The following NEBL variants were observed in gnomAD, a reference collection of about 807,000 sequenced individuals.
NEBL encodes the protein nebulette.
Under a neutral mutation model 140.2 loss-of-function variants are expected in NEBL, and 122 were observed. The observed-to-expected ratio is 0.87, with a 90% CI of 0.75 to 1.01. The LOEUF is 1.01. NEBL is among the 50% of genes least tolerant of loss of function. The pLI, the probability that NEBL is intolerant of heterozygous loss-of-function variation, is 0.00. For missense variants in NEBL, 1,365 were observed against 1,231.3 expected, an observed-to-expected ratio of 1.11 and a Z score of -1.62; for synonymous variants, 436 against 398.9, an observed-to-expected ratio of 1.09 and a Z score of -1.11.
intron 2 of NEBL, among the ~76,000 whole-genome samples, chr10:21,092,388 C>T (rs971555053): frequency 6.6e-6 from 1 of 152,174 alleles, no homozygotes; most frequent in East Asian, 1.9e-4. Flanking sequence ...TTAGTTTGTG[C>T]AAAACCCTGT....
intron 2 of NEBL, chr10:21,029,238 T>G: frequency 6.5e-7 from 1 of 1,527,700 alleles, no homozygotes. Context: ...CACCGGCTGC[T>G]CGGGAACCCA....
chr10:20,801,716 G>A (rs1837139307), intron 26 of NEBL, among the ~76,000 whole-genome samples: 1 of 151,890 alleles, frequency 6.6e-6, no homozygotes, highest in African/African-American at 2.4e-5. Flanking sequence ...AAAACACCAG[G>A]GCAATTGGCC....
At chr10:21,108,265 A>T (rs778348002) in intron 2 of NEBL, among the ~76,000 whole-genome samples, 1 of 152,004 alleles carries the variant, frequency 6.6e-6, no homozygotes, top group Non-Finnish European at 1.5e-5. Context: ...GGGTGTCAAC[A>T]TTAGATCTTT....
intron 2 of NEBL, among the ~76,000 whole-genome samples, chr10:21,035,934 G>A (rs1195856566): frequency 6.6e-6 from 1 of 152,078 alleles, no homozygotes; most frequent in Non-Finnish European, 1.5e-5. Context: ...AGGCTGAGGT[G>A]AGCGGATCAC....
chr10:21,065,101 T>C (rs969129104), intron 2 of NEBL, among the ~76,000 whole-genome samples: 13 of 152,120 alleles, frequency 8.5e-5, no homozygotes, highest in Non-Finnish European at 1.9e-4. Flanking sequence ...TTCTTCTTGA[T>C]AGCATTGCAA....
chr10:20,972,671 C>T (rs564891507), intron 3 of NEBL, among the ~76,000 whole-genome samples: 22 of 152,040 alleles, frequency 1.4e-4, no homozygotes, highest in African/African-American at 4.3e-4. Context: ...TGCTTGAACC[C>T]GGGAGGCAGA....
intron 3 of NEBL, among the ~76,000 whole-genome samples, chr10:21,019,393 T>C (rs1339346442): frequency 1.3e-5 from 2 of 152,196 alleles, no homozygotes; most frequent in African/African-American, 4.8e-5. Context: ...CCTTCTCCCC[T>C]CTTCCGTCCT....
At position 20,782,824 on chromosome 10, in the gene NEBL, T is replaced by C. The variant is rs1835117684; in HGVS notation, c.*2923A>G. On this transcript the variant is annotated 3_prime_UTR_variant, in exon 28 of 28. Coordinates refer to ENST00000377122, the MANE Select transcript of NEBL (RefSeq NM_006393.3). ...TGCCATAGGTTAGAAATAGAAAGCTTTCTAGAGAACAAGAATTATTAGTAA... is the reference window on the plus strand; with the variant it reads ...TGCCATAGGTTAGAAATAGAAAGCTCTCTAGAGAACAAGAATTATTAGTAA... 6.6e-6 allele frequency: 1 copy of C among 152,532 alleles called. No individual in the cohort carries two copies. 9.4% of individuals were successfully genotyped at this position (152,532 alleles called of 1,614,324 possible).
intron 21 of NEBL, among the ~76,000 whole-genome samples, chr10:20,815,993 C>T (rs767097845): frequency 7.9e-5 from 12 of 152,056 alleles, no homozygotes; most frequent in Non-Finnish European, 1.2e-4. Flanking sequence ...ACCTGAAACT[C>T]CTGGGCTCAA....
chr10:21,242,946 T>G (rs924565711), intron 3 of NEBL, among the ~76,000 whole-genome samples: 6 of 152,120 alleles, frequency 3.9e-5, no homozygotes, highest in African/African-American at 1.4e-4. Flanking sequence ...ACCCCTGCCT[T>G]GGGAAATCAG....
intron 2 of NEBL, among the ~76,000 whole-genome samples, chr10:21,021,956 G>A (rs528589883): frequency 1.1e-4 from 17 of 152,310 alleles, no homozygotes; most frequent in East Asian, 3.9e-4. Flanking sequence ...AAACTTCAGC[G>A]TGTCCTATAA....
chr10:21,160,869 A>AGG (rs1840532199), intron 2 of NEBL, among the ~76,000 whole-genome samples: 1 of 152,136 alleles, frequency 6.6e-6, no homozygotes, highest in East Asian at 1.9e-4. Flanking sequence ...AGGGGGAAAA[A>AGG]AAAAAAAAAC....
chr10:21,023,082 G>A (rs2131778350), intron 2 of NEBL, among the ~76,000 whole-genome samples: 2 of 152,292 alleles, frequency 1.3e-5, no homozygotes, highest in South Asian at 4.1e-4. Context: ...GAACTTTACT[G>A]AACTTTAAAA....
rs1842667274 is a variant in NEBL at position 20,852,661 on chromosome 10, A to G, written c.904-12T>C. ...TTTTTATATTCTCGCTAAAATACAG[A>G]ATGGGGAAATCAACTTAGAATCAAA... On this transcript the variant is annotated splice_polypyrimidine_tract_variant and intron_variant, in intron 9 of 27. Transcript: ENST00000377122. 6.4e-7 allele frequency: 1 copy of G among 1,571,102 alleles called. No homozygotes were observed. The highest frequency in any genetic ancestry group is 1.1e-5 in the South Asian group (1 of 90,086).
chr10:20,793,033 AT>A (rs1439224972), intron 26 of NEBL, among the ~76,000 whole-genome samples: 1 of 152,174 alleles, frequency 6.6e-6, no homozygotes, highest in Non-Finnish European at 1.5e-5. Context: ...CTATTTTTTA[AT>A]CTGAAAGGAT....
At chr10:21,008,548 A>T (rs1448159739) in intron 3 of NEBL, among the ~76,000 whole-genome samples, 1 of 152,224 alleles carries the variant, frequency 6.6e-6, no homozygotes, top group Non-Finnish European at 1.5e-5. Context: ...ATATGAAAAA[A>T]TGCTCAACAT....
At chr10:20,819,112 C>A in intron 20 of NEBL, 1 of 972,486 alleles carries the variant, frequency 1.0e-6, no homozygotes, top group Non-Finnish European at 1.3e-6. Flanking sequence ...AGGTTTGTTA[C>A]ACAGGTGAAC....
chr10:20,847,462 G>C (rs958390277), intron 11 of NEBL, among the ~76,000 whole-genome samples: 1 of 152,164 alleles, frequency 6.6e-6, no homozygotes, highest in African/African-American at 2.4e-5. Flanking sequence ...CAGAAACATA[G>C]TATTTGAATA....
chr10:21,237,524 A>T (rs548248481), intron 3 of NEBL, among the ~76,000 whole-genome samples: 6 of 151,818 alleles, frequency 4.0e-5, no homozygotes, highest in Admixed American at 1.3e-4. Flanking sequence ...ATCTTTCATG[A>T]AGCCTTTTTT....
Sources: gnomAD v4.1 joint callset for allele counts (sites outside exome capture counted in the v4.1 genomes callset) on GRCh38, gnomAD v4.1.1 for gene constraint, MANE v1.5 for transcripts, NCBI Gene and HGNC (gene_info 2026-07-23, HGNC 2026-07-21) for gene names.